RALYL: variants seen among roughly 807,000 people sequenced by gnomAD.
RALYL encodes RNA-binding Raly-like protein.
In RALYL, 29 loss-of-function variants were observed where a neutral mutation model predicts 35.1. The ratio of observed to expected loss-of-function variants is 0.83; its 90% CI spans 0.61 to 1.13. The LOEUF is 1.13. RALYL is among the 50% of genes most tolerant of loss of function. The pLI, the probability that RALYL is intolerant of heterozygous loss-of-function variation, is 0.00. For missense variants in RALYL, 359 were observed against 360.4 expected (o/e 1.00, Z 0.03); for synonymous variants, 120 against 127.6 (o/e 0.94, Z 0.40).
chr8:84,892,546 G>A (rs966371481), intron 8 of RALYL, among the ~76,000 whole-genome samples: 8 of 151,472 alleles, frequency 5.3e-5, no homozygotes, highest in African/African-American at 1.9e-4. Context: ...AGAGACGGGG[G>A]TTGTTGTGAG....
Position 84,459,898 on chromosome 8 carries a change from T to A in RALYL, c.-23-69401T>A, listed in dbSNP as rs138664424. Among the ~76,000 whole-genome samples the A allele has an allele frequency of 3.9e-5, 6 of 151,928 alleles. No homozygotes were observed. In the East Asian group the frequency reaches 1.2e-3, roughly 30 times the overall value. ...CACTGCTTCACATATTTCTTCTGCT[T>A]CTTTGGAAGTTCATAGGAAAGGACA... is the stretch of plus-strand genomic sequence containing the variant. On this transcript the variant is annotated intron_variant, in intron 1 of 8. Coordinates refer to ENST00000521268, the MANE Select transcript of RALYL (RefSeq NM_173848.7).
chr8:84,694,207 C>T (rs962945255), intron 2 of RALYL, among the ~76,000 whole-genome samples: 1 of 151,848 alleles, frequency 6.6e-6, no homozygotes, highest in Admixed American at 6.6e-5. Context: ...ATAGAGAAAT[C>T]CTAAAGACTC....
chr8:84,440,511 A>C (rs2048217827), intron 1 of RALYL, among the ~76,000 whole-genome samples: 1 of 152,074 alleles, frequency 6.6e-6, no homozygotes. Context: ...CAACTCTTAT[A>C]ATTAATCTGC....
At chr8:84,267,027 C>G (rs1833467610) in intron 1 of RALYL, among the ~76,000 whole-genome samples, 1 of 150,606 alleles carries the variant, frequency 6.6e-6, no homozygotes, top group African/African-American at 2.4e-5. Flanking sequence ...GATGAGTATT[C>G]AGGGACTTAT....
At chr8:84,408,101 T>C (rs1448237911) in intron 1 of RALYL, among the ~76,000 whole-genome samples, 1 of 152,114 alleles carries the variant, frequency 6.6e-6, no homozygotes, top group African/African-American at 2.4e-5. Context: ...AACTTATTTA[T>C]TTTAATTATA....
At position 84,529,414 on chromosome 8, in the gene RALYL, A is replaced by T. The variant is rs763954907; in HGVS notation, c.93A>T (p.Ala31=). The T allele has an allele frequency of 6.2e-7, 1 of 1,613,124 alleles. No individual in the cohort carries two copies. Among genetic ancestry groups the T allele is most frequent in the Non-Finnish European group, 8.5e-7 (1 of 1,179,528 alleles). The change falls in exon 2 of 9, where the codon GCA becomes GCT. Residue 31 remains alanine, a synonymous_variant. Coordinates refer to ENST00000521268, the MANE Select transcript of RALYL (RefSeq NM_173848.7). ...SRVFIGNLNT[A]IVKKVDIEAI... is the part of the protein sequence containing the mutation. ...TTTTCATCGGCAATCTAAATACGGCAATTGTCAAGAAAGTTGACATTGAAG... is the reference window on the plus strand; with the variant it reads ...TTTTCATCGGCAATCTAAATACGGCTATTGTCAAGAAAGTTGACATTGAAG...
At chr8:84,850,088 C>T (rs1015352449) in intron 5 of RALYL, 61 bp downstream of exon 5, 2 of 864,532 alleles carry the variant, frequency 2.3e-6, no homozygotes, top group Admixed American at 6.5e-5. Context: ...CCATTTTGTA[C>T]ATTTTATTCA....
Position 84,685,144 on chromosome 8 carries a change from G to T in RALYL, c.257-89435G>T, listed in dbSNP as rs180988778. On this transcript the variant is annotated intron_variant, in intron 2 of 8. Transcript: ENST00000521268. ...ATTTCCAAATACAATCACATTGGAG[G>T]CTGGGGTTTTGACATGGGAATGTAT... is the stretch of plus-strand genomic sequence containing the variant. 9.6e-4 allele frequency among the ~76,000 whole-genome samples: 146 copies of T among 152,204 alleles called. 3 individuals carry two copies. Among genetic ancestry groups the T allele is most frequent in the Non-Finnish European group, 4.9e-4 (33 of 68,006 alleles).
intron 4 of RALYL, among the ~76,000 whole-genome samples, chr8:84,820,705 C>T (rs1448798248): frequency 6.6e-6 from 1 of 152,074 alleles, no homozygotes; most frequent in Non-Finnish European, 1.5e-5. Flanking sequence ...CCTCCCCTTT[C>T]CCCTTGCCCC....
intron 1 of RALYL, among the ~76,000 whole-genome samples, chr8:84,468,195 G>C (rs551490187): frequency 6.6e-6 from 1 of 151,824 alleles, no homozygotes; most frequent in African/African-American, 2.4e-5. Context: ...TATGATTATA[G>C]CTGGTGATTT....
chr8:84,777,614 C>A (rs1335541317), intron 3 of RALYL, among the ~76,000 whole-genome samples: 1 of 152,036 alleles, frequency 6.6e-6, no homozygotes, highest in African/African-American at 2.4e-5. Context: ...CTGTTCTTTG[C>A]ATCTCTGAGT....
At chr8:84,609,344 C>T (rs1203209060) in intron 2 of RALYL, among the ~76,000 whole-genome samples, 1 of 152,124 alleles carries the variant, frequency 6.6e-6, no homozygotes, top group Non-Finnish European at 1.5e-5. Context: ...TAGGAATCAT[C>T]TATGTCATAG....
intron 1 of RALYL, among the ~76,000 whole-genome samples, chr8:84,431,703 T>G (rs541656966): frequency 3.9e-5 from 6 of 152,284 alleles, no homozygotes; most frequent in African/African-American, 1.4e-4. Context: ...TCCAGGTTCA[T>G]TCATGGTGAG....
intron 1 of RALYL, among the ~76,000 whole-genome samples, chr8:84,248,863 T>A (rs1168382262): frequency 6.6e-6 from 1 of 152,046 alleles, no homozygotes; most frequent in Non-Finnish European, 1.5e-5. Flanking sequence ...AGGAAGAAAA[T>A]CAACAAAGTC....
intron 8 of RALYL, among the ~76,000 whole-genome samples, chr8:84,892,572 T>C (rs1844041847): frequency 6.7e-6 from 1 of 150,078 alleles, no homozygotes; most frequent in Non-Finnish European, 1.5e-5. Flanking sequence ...ATTGAGCCAT[T>C]GCACTCCAGC....
At chr8:84,500,558 C>T (rs2056543049) in intron 1 of RALYL, among the ~76,000 whole-genome samples, 1 of 152,042 alleles carries the variant, frequency 6.6e-6, no homozygotes, top group African/African-American at 2.4e-5. Context: ...TTTTGCTTGT[C>T]TTTGTCTCCA....
chr8:84,877,206 G>T (rs1343161089), intron 7 of RALYL, among the ~76,000 whole-genome samples: 1 of 152,102 alleles, frequency 6.6e-6, no homozygotes, highest in African/African-American at 2.4e-5. Flanking sequence ...AAAGGGAGTG[G>T]CCGGCCGCGG....
intron 1 of RALYL, among the ~76,000 whole-genome samples, chr8:84,497,642 G>GTTTTTTTTTTT (rs71271999): frequency 8.5e-6 from 1 of 117,242 alleles, no homozygotes; most frequent in Non-Finnish European, 1.7e-5. Flanking sequence ...TTTTGTTTTT[G>GTTTTTTTTTTT]TTTTTTTTTT....
At chr8:84,460,591 A>G (rs2050653107) in intron 1 of RALYL, among the ~76,000 whole-genome samples, 1 of 151,746 alleles carries the variant, frequency 6.6e-6, no homozygotes, top group Admixed American at 6.6e-5. Context: ...AATGCAATCT[A>G]AAAAAGGGGG....
Sources: gnomAD v4.1 joint callset for allele counts (sites outside exome capture counted in the v4.1 genomes callset) on GRCh38, gnomAD v4.1.1 for gene constraint, MANE v1.5 for transcripts, NCBI Gene and HGNC (gene_info 2026-07-23, HGNC 2026-07-21) for gene names.